Variants in IFIH1 observed in about 807,000 individuals in gnomAD.
The protein encoded by IFIH1 is interferon induced with helicase C domain 1.
In IFIH1, 125 loss-of-function variants were observed where a neutral mutation model predicts 107.4. That is an observed-to-expected ratio of 1.16 (90% CI 1.01 to 1.35). The LOEUF (loss-of-function observed/expected upper bound fraction) is 1.35. Ranked by LOEUF, IFIH1 falls within the 40% of genes most tolerant of loss-of-function variation. The pLI is 0.00. For missense variants in IFIH1, 1,333 were observed against 1,213.7 expected (o/e 1.10, Z -1.46); for synonymous variants, 458 against 413.2 (o/e 1.11, Z -1.31).
intron 2 of IFIH1, among the ~76,000 whole-genome samples, chr2:162,308,924 C>A (rs1341611805): frequency 6.6e-6 from 1 of 152,214 alleles, no homozygotes. Flanking sequence ...TTGTCCAAAT[C>A]AGACGTAGAT....
intron 10 of IFIH1, 141 bp from the exon 11 acceptor site, chr2:162,277,087 G>A (rs754921042): frequency 6.1e-6 from 4 of 656,742 alleles, no homozygotes; most frequent in South Asian, 2.4e-5. Context: ...CTATTTGGAA[G>A]TATAAATTAG....
At chr2:162,280,989 A>T (rs1157804894) in intron 7 of IFIH1, among the ~76,000 whole-genome samples, 1 of 152,070 alleles carries the variant, frequency 6.6e-6, no homozygotes, top group Non-Finnish European at 1.5e-5. Flanking sequence ...ATGTGTGACA[A>T]CTAGAAACTT....
rs1174837019 is a variant in IFIH1, at chr2:162,280,027, T to C, written c.1610A>G (p.Lys537Arg). 1.4e-5 allele frequency: 22 copies of C among 1,609,570 alleles called. No homozygotes were observed. Among genetic ancestry groups the C allele is most frequent in the Non-Finnish European group, 1.9e-5 (22 of 1,176,300 alleles). The change falls in exon 8 of 16, where the codon AAG (lysine) becomes AGG (arginine). Residue 537 changes from lysine (K) to arginine (R), a missense_variant. By Grantham distance (26) the Lys-to-Arg change is conservative. Coordinates refer to ENST00000649979, the MANE Select transcript of IFIH1 (RefSeq NM_022168.4). ...QLKNQIQEPCKKFAIADATRE... is the reference protein window; with the variant it reads ...QLKNQIQEPCRKFAIADATRE... ...GGTTGCATCTGCAATGGCAAACTTCTTGCATGGCTCCTGTATTTGGTTTTT... is the reference window on the plus strand; with the variant it reads ...GGTTGCATCTGCAATGGCAAACTTCCTGCATGGCTCCTGTATTTGGTTTTT...
intron 13 of IFIH1, among the ~76,000 whole-genome samples, chr2:162,268,708 G>T (rs1477052372): frequency 6.6e-6 from 1 of 152,078 alleles, no homozygotes; most frequent in Non-Finnish European, 1.5e-5. Context: ...TTCTGCCTTA[G>T]ACTCCCAAGT....
intron 2 of IFIH1, 155 bp from the exon 3 acceptor site, chr2:162,307,010 A>C: frequency 3.4e-6 from 2 of 595,124 alleles, no homozygotes; most frequent in Non-Finnish European, 5.8e-6. Flanking sequence ...ATAGAATGTA[A>C]ATTGTATTGC....
rs191111569 is a variant in IFIH1, at chr2:162,298,666, T to C, written c.770-4998A>G. Among the ~76,000 whole-genome samples, 41 of 152,268 alleles carry C rather than the reference T, an allele frequency of 2.7e-4. 1 individual carries two copies. Among genetic ancestry groups the C allele is most frequent in the African/African-American group, 9.1e-4 (38 of 41,544 alleles). On this transcript the variant is annotated intron_variant, in intron 3 of 15. Coordinates refer to ENST00000649979, the MANE Select transcript of IFIH1 (RefSeq NM_022168.4). ...ATGGGCTTCTCAAGTGGGCTTACAC[T>C]CATACTGCTAATAATATATATTTCC...
chr2:162,280,121 G>A lies in IFIH1; in HGVS notation c.1525-9C>T, dbSNP rs771907484. 11 of 1,374,918 alleles carry A rather than the reference G, an allele frequency of 8.0e-6. No homozygotes were observed. Among genetic ancestry groups the A allele is most frequent in the South Asian group, 1.2e-5 (1 of 83,254 alleles). The allele number at this position is 1,374,918 out of a possible 1,614,324, so 85.2% of individuals were successfully genotyped here. A position where few individuals can be genotyped will look rare whatever the true frequency, so the allele number is the denominator to read the frequency against. ...TCAAGATTGGCACATAGCTGGAAAAGAGACATTTTTCAATATTTATGCAAT... is the reference window on the plus strand; with the variant it reads ...TCAAGATTGGCACATAGCTGGAAAAAAGACATTTTTCAATATTTATGCAAT... On this transcript the variant is annotated splice_polypyrimidine_tract_variant and intron_variant, in intron 7 of 15. Coordinates refer to ENST00000649979, the MANE Select transcript of IFIH1 (RefSeq NM_022168.4).
chr2:162,277,392 G>C (rs371872987), intron 10 of IFIH1, 23 bp downstream of exon 10: 120 of 1,538,092 alleles, frequency 7.8e-5, no homozygotes, highest in Non-Finnish European at 1.0e-4. Context: ...AATGACACCA[G>C]TATATGTTAC....
intron 1 of IFIH1, 131 bp from the exon 2 acceptor site, chr2:162,311,064 G>T (rs1455288417): frequency 1.6e-6 from 1 of 625,690 alleles, no homozygotes; most frequent in Non-Finnish European, 2.6e-6. Flanking sequence ...AAACATTGAA[G>T]AAAATAGCAA....
intron 8 of IFIH1, among the ~76,000 whole-genome samples, chr2:162,279,488 A>C (rs976480299): frequency 1.3e-5 from 2 of 152,086 alleles, no homozygotes; most frequent in African/African-American, 4.8e-5. Flanking sequence ...TGAAAAATTC[A>C]TCAGAAAAGC....
intron 8 of IFIH1, 59 bp from the exon 9 acceptor site, chr2:162,278,387 T>A: frequency 1.1e-6 from 1 of 884,742 alleles, no homozygotes; most frequent in East Asian, 2.7e-5. Context: ...AATAACATTA[T>A]CTTTGTTAGA....
chr2:162,288,158 T>G lies in IFIH1; in HGVS notation c.1072A>C (p.Lys358Gln). The G allele has an allele frequency of 6.2e-7, 1 of 1,611,670 alleles. No homozygotes were observed. Among genetic ancestry groups the G allele is most frequent in the Non-Finnish European group, 8.5e-7 (1 of 1,178,624 alleles). The change falls in exon 5 of 16, where the codon AAA (lysine) becomes CAA (glutamine). Residue 358 changes from lysine to glutamine, a missense_variant. Lys to Gln is a moderately conservative substitution (Grantham distance 53). Transcript: ENST00000649979. ...ACCTTATTGACAAGAACTATAACTT[T>G]TCCAGGCTCAGATGCTTTTTTCTTC... ...DKKKKASEPG[K>Q]VIVLVNKVLL...
intron 1 of IFIH1, among the ~76,000 whole-genome samples, chr2:162,317,601 A>G (rs768557888): frequency 1.3e-5 from 2 of 152,258 alleles, no homozygotes; most frequent in Non-Finnish European, 2.9e-5. Flanking sequence ...TAAGTGTTCA[A>G]TAAAAGTTAC....
chr2:162,289,757 C>G (rs1288949950), intron 4 of IFIH1, among the ~76,000 whole-genome samples: 1 of 151,916 alleles, frequency 6.6e-6, no homozygotes, highest in Non-Finnish European at 1.5e-5. Flanking sequence ...TGAGTAAAAA[C>G]AGATGCAATA....
intron 3 of IFIH1, among the ~76,000 whole-genome samples, chr2:162,298,022 A>C (rs925945822): frequency 2.0e-5 from 3 of 152,186 alleles, no homozygotes; most frequent in African/African-American, 7.2e-5. Context: ...ATCATTTAGA[A>C]ACCAAAAATA....
intron 9 of IFIH1, 97 bp downstream of exon 9, chr2:162,278,108 T>A (rs981016421): frequency 1.9e-6 from 2 of 1,038,298 alleles, no homozygotes; most frequent in African/African-American, 3.3e-5. Flanking sequence ...TTGGAACTAC[T>A]TTTGCTTTCC....
At position 162,277,629 on chromosome 2, in the gene IFIH1, G is replaced by T; in HGVS notation, c.1830C>A (p.Ala610=). 6.2e-7 allele frequency: 1 copy of T among 1,612,902 alleles called. No individual in the cohort carries two copies. Among genetic ancestry groups the T allele is most frequent in the Non-Finnish European group, 8.5e-7 (1 of 1,179,262 alleles). ...CAEHLRKYNE[A]LQINDTIRMI... ...TTCGAATTGTGTCATTAATTTGTAG[G>T]GCCTCATTGTACTTCCTCAAATGTT... The change falls in exon 10 of 16, where the codon GCC becomes GCA. Residue 610 remains alanine (A), a synonymous_variant. Coordinates refer to ENST00000649979, the MANE Select transcript of IFIH1 (RefSeq NM_022168.4).
Position 162,281,453 on chromosome 2 carries a change from T to C in IFIH1, c.1399A>G (p.Lys467Glu). The change falls in exon 7 of 16, where the codon AAA becomes GAA. Residue 467 changes from lysine to glutamate, a missense_variant. Coordinates refer to ENST00000649979, the MANE Select transcript of IFIH1 (RefSeq NM_022168.4). ...IMRHYLMQKL[K>E]NNRLKKENKP... ...TTTTCTTTCTTGAGTCTATTGTTTT[T>C]CAACTTCTGCATCAAATAATGCCTC... 6.2e-7 allele frequency: 1 copy of C among 1,612,512 alleles called. No individual in the cohort carries two copies. Among genetic ancestry groups the C allele is most frequent in the African/African-American group, 1.3e-5 (1 of 74,946 alleles).
chr2:162,271,393 T>C (rs1691035243), intron 13 of IFIH1, among the ~76,000 whole-genome samples: 1 of 137,364 alleles, frequency 7.3e-6, no homozygotes, highest in African/African-American at 2.8e-5. Flanking sequence ...CACTCATAGG[T>C]GGAAATTGAA....
Sources: allele counts gnomAD v4.1 joint callset (sites outside exome capture counted in the v4.1 genomes callset), GRCh38; gene constraint gnomAD v4.1.1; transcripts MANE v1.5; gene names NCBI Gene and HGNC (gene_info 2026-07-23, HGNC 2026-07-21).